The following ACSM2B variants were observed in gnomAD, a reference collection of about 807,000 sequenced individuals.
ACSM2B encodes the protein acyl-coenzyme A synthetase ACSM2B, mitochondrial.
A neutral mutation model predicts 78.6 loss-of-function variants in ACSM2B; 58 were observed. The observed-to-expected ratio is 0.74, with a 90% confidence interval of 0.60 to 0.92. The LOEUF is 0.92. Ranked by LOEUF, ACSM2B falls within the 40% of genes least tolerant of loss-of-function variation. ACSM2B has a pLI of 0.00. For missense variants in ACSM2B, 688 were observed against 711.2 expected, an observed-to-expected ratio of 0.97 and a Z score of 0.37; for synonymous variants, 257 against 256.8, an observed-to-expected ratio of 1.00 and a Z score of -0.01.
At chr16:20,566,640 ATATAC>A (rs1203133837) in intron 1 of ACSM2B, among the ~76,000 whole-genome samples, 1 of 21,394 alleles carries the variant, frequency 4.7e-5, no homozygotes, top group South Asian at 2.1e-3. Flanking sequence ...TATAGTATAT[ATATAC>A]TATACTATAT....
At chr16:20,541,211 G>T in intron 12 of ACSM2B, 1 of 163,772 alleles carries the variant, frequency 6.1e-6, no homozygotes, top group Non-Finnish European at 1.3e-5. Context: ...CTCAGAGCTG[G>T]GCACACAGGG....
At chr16:20,553,078 T>A (rs1216248060) in intron 5 of ACSM2B, among the ~76,000 whole-genome samples, 1 of 152,230 alleles carries the variant, frequency 6.6e-6, no homozygotes, top group African/African-American at 2.4e-5. Flanking sequence ...GCAGCTCTTC[T>A]ATTGTATAAT....
chr16:20,566,794 A>G (rs1462242043), intron 1 of ACSM2B, among the ~76,000 whole-genome samples: 15 of 100,514 alleles, frequency 1.5e-4, no homozygotes, highest in Admixed American at 1.3e-3. Context: ...ATTTTGAAAT[A>G]TATAATATAT....
chr16:20,547,574 A>G, intron 8 of ACSM2B: 1 of 990,484 alleles, frequency 1.0e-6, no homozygotes, highest in Non-Finnish European at 1.2e-6. Context: ...ATGAGACCTC[A>G]AGAGTTCCAA....
chr16:20,544,291 A>G (rs2015076330), intron 10 of ACSM2B, among the ~76,000 whole-genome samples: 1 of 152,168 alleles, frequency 6.6e-6, no homozygotes, highest in Non-Finnish European at 1.5e-5. Flanking sequence ...CACTCACGAC[A>G]CACAACTTAC....
chr16:20,569,584 G>C (rs1050708428), intron 1 of ACSM2B, among the ~76,000 whole-genome samples: 1 of 151,512 alleles, frequency 6.6e-6, no homozygotes, highest in African/African-American at 2.4e-5. Flanking sequence ...ATGAATTTTA[G>C]GATTTTTTTC....
chr16:20,543,528 C>G, intron 10 of ACSM2B, among the ~76,000 whole-genome samples: 1 of 152,214 alleles, frequency 6.6e-6, no homozygotes, highest in East Asian at 1.9e-4. Flanking sequence ...ATTCATTCAT[C>G]CATGCTTAGG....
intron 1 of ACSM2B, among the ~76,000 whole-genome samples, chr16:20,567,805 G>A (rs1414570264): frequency 7.2e-6 from 1 of 138,318 alleles, no homozygotes; most frequent in Non-Finnish European, 1.5e-5. Flanking sequence ...ATATATAATA[G>A]TATGGTATGT....
intron 13 of ACSM2B, among the ~76,000 whole-genome samples, chr16:20,538,907 C>A (rs1244403914): frequency 1.3e-5 from 2 of 152,030 alleles, no homozygotes; most frequent in East Asian, 3.9e-4. Context: ...CAGCTAAGAT[C>A]CTCCTCCAGG....
At chr16:20,566,734 G>GTATATACTA (rs1567218605) in intron 1 of ACSM2B, among the ~76,000 whole-genome samples, 5 of 6,318 alleles carry the variant, frequency 7.9e-4, no homozygotes, top group Non-Finnish European at 1.1e-3. Context: ...ACTATATATA[G>GTATATACTA]TATATACTAT....
At chr16:20,556,524 C>A (rs145335487) in intron 3 of ACSM2B, among the ~76,000 whole-genome samples, 1 of 152,176 alleles carries the variant, frequency 6.6e-6, no homozygotes, top group South Asian at 2.1e-4. Flanking sequence ...ATTGCTTGAA[C>A]CTGGGAGGCA....
In ACSM2B at chr16:20,566,788, TGAAA is replaced by T. The variant is rs2015905265; in HGVS notation, c.-8-1939_-8-1936del. Among the ~76,000 whole-genome samples, 7 of 88,158 alleles carry T rather than the reference TGAAA, an allele frequency of 7.9e-5. 1 individual carries two copies. The South Asian group carries it at 2.0e-3, about 25-fold the overall frequency. The allele number at this position is 88,158 out of a possible 152,430, so 57.8% of individuals were successfully genotyped here. On this transcript the variant is annotated intron_variant, in intron 1 of 13. Coordinates refer to ENST00000329697, the MANE Select transcript of ACSM2B (RefSeq NM_001105069.2). The stretch of plus-strand genomic sequence containing the variant: ...ATATAGATATATAGATACAATATTT[TGAAA>T]TATATAATATATAATTTTTATACAT...
At chr16:20,546,858 T>G in intron 8 of ACSM2B, 1 of 178,944 alleles carries the variant, frequency 5.6e-6, no homozygotes, top group Non-Finnish European at 1.1e-5. Flanking sequence ...TTTTGAATTT[T>G]TGTGGTGTAT....
At chr16:20,562,564 T>G (rs1370800654) in intron 2 of ACSM2B, among the ~76,000 whole-genome samples, 1 of 152,174 alleles carries the variant, frequency 6.6e-6, no homozygotes, top group African/African-American at 2.4e-5. Context: ...TAATTTAACT[T>G]TAAAGCAAGG....
intron 13 of ACSM2B, among the ~76,000 whole-genome samples, chr16:20,540,342 G>A (rs942448490): frequency 8.0e-5 from 12 of 150,414 alleles, no homozygotes; most frequent in Admixed American, 5.3e-4. Flanking sequence ...TCCCAGATTC[G>A]AGCGATTCTC....
intron 1 of ACSM2B, among the ~76,000 whole-genome samples, chr16:20,567,066 C>T (rs2015919155): frequency 7.5e-6 from 1 of 133,824 alleles, no homozygotes; most frequent in South Asian, 2.1e-4. Context: ...TGAATGCTCA[C>T]TCTTACCACT....
chr16:20,572,131 C>A (rs2016108518), intron 1 of ACSM2B, among the ~76,000 whole-genome samples: 1 of 151,212 alleles, frequency 6.6e-6, no homozygotes, highest in South Asian at 2.1e-4. Flanking sequence ...GCCTGTGTAG[C>A]TTGGGTTTTT....
At chr16:20,550,739 C>T (rs577154102) in intron 6 of ACSM2B, among the ~76,000 whole-genome samples, 4 of 152,058 alleles carry the variant, frequency 2.6e-5, no homozygotes, top group Admixed American at 6.5e-5. Flanking sequence ...AATAACCCAA[C>T]CCCTCTATCA....
chr16:20,561,684 CTT>C (rs67653970), intron 2 of ACSM2B, among the ~76,000 whole-genome samples: 1 of 148,694 alleles, frequency 6.7e-6, no homozygotes, highest in East Asian at 2.0e-4. Flanking sequence ...ACAATAATCT[CTT>C]TTTTTTTTGG....
Sources: gnomAD v4.1 joint callset for allele counts (sites outside exome capture counted in the v4.1 genomes callset) on GRCh38, gnomAD v4.1.1 for gene constraint, MANE v1.5 for transcripts, NCBI Gene and HGNC (gene_info 2026-07-23, HGNC 2026-07-21) for gene names.